NLGN1: variants seen among roughly 807,000 people sequenced by gnomAD.
NLGN1 encodes the protein neuroligin-1.
NLGN1 carries 12 observed loss-of-function variants against 65.5 expected under a neutral mutation model. That is an observed-to-expected ratio of 0.18 (90% CI 0.12 to 0.30). The LOEUF (loss-of-function observed/expected upper bound fraction) is 0.30, where lower values mean the gene tolerates loss of function less well. Ranked by LOEUF, NLGN1 falls within the 10% of genes least tolerant of loss-of-function variation. The pLI is 1.00. For missense variants in NLGN1, 750 were observed against 1,007.1 expected (o/e 0.74, Z 3.46); for synonymous variants, 350 against 359.5 (o/e 0.97, Z 0.30).
chr3:173,574,106 T>C (rs1395822977), intron 2 of NLGN1, among the ~76,000 whole-genome samples: 3 of 149,374 alleles, frequency 2.0e-5, no homozygotes, highest in Admixed American at 1.3e-4. Context: ...AGAAAAAACA[T>C]TGCCATTATA....
At chr3:173,894,567 A>G (rs1735993019) in intron 4 of NLGN1, among the ~76,000 whole-genome samples, 1 of 151,890 alleles carries the variant, frequency 6.6e-6, no homozygotes, top group African/African-American at 2.4e-5. Context: ...TTCCATACCA[A>G]TTACCTCAAA....
intron 4 of NLGN1, among the ~76,000 whole-genome samples, chr3:173,826,543 G>T (rs1374028223): frequency 6.6e-6 from 1 of 152,080 alleles, no homozygotes; most frequent in Non-Finnish European, 1.5e-5. Flanking sequence ...ATTTCTCAGA[G>T]ATTTATCCTG....
intron 4 of NLGN1, among the ~76,000 whole-genome samples, chr3:174,004,713 A>G (rs1724011712): frequency 6.6e-6 from 1 of 152,178 alleles, no homozygotes; most frequent in East Asian, 1.9e-4. Flanking sequence ...CTTAAACTTT[A>G]AAATGGAATA....
rs568797359 is a variant in NLGN1 at position 173,781,110 on chromosome 3, A to T, written c.494-26570A>T. On this transcript the variant is annotated intron_variant, in intron 3 of 6. Coordinates refer to ENST00000457714, the Ensembl canonical transcript of NLGN1. ...CCGTGAGCCAAGATCGCGCCACTGC[A>T]CTCCAGCCTGGGCTACAGAGCGAGA... 2.5e-3 allele frequency among the ~76,000 whole-genome samples: 377 copies of T among 148,240 alleles called. 1 individual carries two copies. Among genetic ancestry groups the T allele is most frequent in the Non-Finnish European group, 3.2e-3 (214 of 67,376 alleles).
chr3:173,687,697 T>C (rs892590751), intron 3 of NLGN1, among the ~76,000 whole-genome samples: 7 of 152,234 alleles, frequency 4.6e-5, no homozygotes, highest in African/African-American at 1.7e-4. Flanking sequence ...TATACATATT[T>C]ATTTCACTTA....
chr3:174,105,611 C>T (rs1207613272), intron 4 of NLGN1, among the ~76,000 whole-genome samples: 2 of 146,988 alleles, frequency 1.4e-5, no homozygotes, highest in South Asian at 2.2e-4. Context: ...ATCAGTGACA[C>T]CAGATCATGT....
chr3:174,002,880 T>A (rs1723587111), intron 4 of NLGN1, among the ~76,000 whole-genome samples: 1 of 152,220 alleles, frequency 6.6e-6, no homozygotes, highest in Non-Finnish European at 1.5e-5. Flanking sequence ...TCTTTTATAC[T>A]TGTAAGTGAA....
intron 4 of NLGN1, among the ~76,000 whole-genome samples, chr3:174,162,318 G>A (rs1726702787): frequency 6.6e-6 from 1 of 151,730 alleles, no homozygotes; most frequent in Non-Finnish European, 1.5e-5. Flanking sequence ...AGATGGTAAC[G>A]TCATTCTGTA....
rs547523203 is a variant in NLGN1 at position 173,557,811 on chromosome 3, T to TA, written c.-320-46462dup. Among the ~76,000 whole-genome samples the TA allele has an allele frequency of 4.6e-3, 707 of 152,208 alleles. 3 individuals are homozygous for TA. Among genetic ancestry groups the TA allele is most frequent in the African/African-American group, 0.016 (647 of 41,570 alleles). ...TTCAATTGTCTATTAAACAAATTTT[T>TA]AAAAAAGTATTTTATATTTACACAT... On this transcript the variant is annotated intron_variant, in intron 2 of 6. Transcript: ENST00000457714.
chr3:173,493,828 A>AAT (rs540770877), intron 2 of NLGN1, among the ~76,000 whole-genome samples: 2,191 of 150,164 alleles, frequency 0.015, 38 homozygotes, highest in South Asian at 0.035. Flanking sequence ...GATTTAATTG[A>AAT]ATATATATAT....
At chr3:173,668,010 C>T (rs760782203) in intron 3 of NLGN1, among the ~76,000 whole-genome samples, 7 of 152,118 alleles carry the variant, frequency 4.6e-5, no homozygotes, top group South Asian at 4.1e-4. Flanking sequence ...TTCATTCATG[C>T]GTGTAATTCA....
chr3:173,417,199 T>A (rs1713978767), intron 1 of NLGN1, among the ~76,000 whole-genome samples: 1 of 152,028 alleles, frequency 6.6e-6, no homozygotes, highest in Non-Finnish European at 1.5e-5. Flanking sequence ...ACATTTGTAA[T>A]TAGTTATTCA....
chr3:173,651,069 C>A (rs1327617536), intron 3 of NLGN1, among the ~76,000 whole-genome samples: 1 of 151,778 alleles, frequency 6.6e-6, no homozygotes, highest in Non-Finnish European at 1.5e-5. Context: ...AATTATTCAT[C>A]CCTCACCTGT....
chr3:173,481,527 A>G (rs796465773), intron 2 of NLGN1, among the ~76,000 whole-genome samples: 55 of 151,924 alleles, frequency 3.6e-4, no homozygotes, highest in African/African-American at 1.1e-3. Context: ...TCTTTACATA[A>G]TCTTCAATAT....
chr3:173,926,231 T>G (rs1016406950), intron 4 of NLGN1, among the ~76,000 whole-genome samples: 3 of 152,158 alleles, frequency 2.0e-5, no homozygotes, highest in Admixed American at 1.3e-4. Context: ...CTCTTAACAA[T>G]TTAAAATAAC....
rs117319119 is a variant in NLGN1 at position 173,565,889 on chromosome 3, G to A, written c.-320-38390G>A. Among the ~76,000 whole-genome samples the A allele has an allele frequency of 1.1e-4, 17 of 152,290 alleles. No homozygotes were observed. The East Asian group carries it at 3.1e-3, about 28-fold the overall frequency. On this transcript the variant is annotated intron_variant, in intron 2 of 6. Coordinates refer to ENST00000457714, the Ensembl canonical transcript of NLGN1. ...TGAAGAGCATTTCTTTTGTGTGAAA[G>A]TAAACAATACCAATTAAAGCTGTTT...
At chr3:173,887,871 TA>T (rs34288164) in intron 4 of NLGN1, among the ~76,000 whole-genome samples, 35 of 151,552 alleles carry the variant, frequency 2.3e-4, no homozygotes, top group Non-Finnish European at 3.4e-4. Context: ...AAAATAACAC[TA>T]AAAAAAACCC....
chr3:173,660,555 C>A lies in NLGN1; in HGVS notation c.493+55464C>A, dbSNP rs115839135. 6.5e-3 allele frequency among the ~76,000 whole-genome samples: 994 copies of A among 151,856 alleles called. 14 individuals are homozygous for A. Among genetic ancestry groups the A allele is most frequent in the African/African-American group, 0.023 (948 of 41,458 alleles). Reference sequence around the variant, plus strand: ...GGATGGCTGAAGATCAAAAGCATTACAGTCAATTAAGGGGAGAATGCCATA... The same window carrying A: ...GGATGGCTGAAGATCAAAAGCATTAAAGTCAATTAAGGGGAGAATGCCATA... On this transcript the variant is annotated intron_variant, in intron 3 of 6. Transcript: ENST00000457714.
At chr3:173,789,943 G>T (rs748762094) in intron 3 of NLGN1, 1 of 486,284 alleles carries the variant, frequency 2.1e-6, no homozygotes, top group Non-Finnish European at 4.1e-6. Flanking sequence ...CATTCCTTCT[G>T]CAGAGCACAG....
Sources: gnomAD v4.1 joint callset for allele counts (sites outside exome capture counted in the v4.1 genomes callset) on GRCh38, gnomAD v4.1.1 for gene constraint, MANE v1.5 for transcripts, NCBI Gene and HGNC (gene_info 2026-07-23, HGNC 2026-07-21) for gene names.